ANO3: variants seen among roughly 807,000 people sequenced by gnomAD.
ANO3 encodes the protein anoctamin 3, also known as anoctamin-3.
Under a neutral mutation model 144.8 loss-of-function variants are expected in ANO3, and 99 were observed. The ratio of observed to expected loss-of-function variants is 0.68; its 90% confidence interval spans 0.58 to 0.81. ANO3 has a LOEUF of 0.81. Ranked by LOEUF, ANO3 falls within the 30% of genes least tolerant of loss-of-function variation. The pLI is 0.00. For synonymous variants in ANO3, 414 were observed against 392.6 expected (o/e 1.05, Z -0.64); for missense variants, 905 against 1,202.2 (o/e 0.75, Z 3.66).
At chr11:26,396,730 G>A (rs1857023674) in intron 1 of ANO3, among the ~76,000 whole-genome samples, 1 of 151,964 alleles carries the variant, frequency 6.6e-6, no homozygotes, top group African/African-American at 2.4e-5. Context: ...CTTATAAGTG[G>A]AAGTTGAACA....
At chr11:26,411,276 A>G (rs1268664085) in intron 1 of ANO3, among the ~76,000 whole-genome samples, 1 of 152,014 alleles carries the variant, frequency 6.6e-6, no homozygotes, top group Non-Finnish European at 1.5e-5. Flanking sequence ...GAGAAGATGG[A>G]TGTAAATGTA....
At chr11:26,319,144 C>CATTATTATTATTATTATTATT (rs376211456) in intron 1 of ANO3, among the ~76,000 whole-genome samples, 1,988 of 150,908 alleles carry the variant, frequency 0.013, 28 homozygotes, top group East Asian at 0.082. Context: ...TTCCAGATAA[C>CATTATTATTATTATTATTATT]ATTATTATTA....
intron 1 of ANO3, among the ~76,000 whole-genome samples, chr11:26,372,895 C>T (rs1395355232): frequency 6.6e-6 from 1 of 151,800 alleles, no homozygotes; most frequent in Non-Finnish European, 1.5e-5. Context: ...ATTTTTCAAA[C>T]ATGTTGTGTG....
At position 26,662,586 on chromosome 11, in the gene ANO3, A is replaced by G. The variant is rs1006790062; in HGVS notation, c.*2142A>G. The G allele has an allele frequency of 2.6e-5, 4 of 152,066 alleles. No individual in the cohort carries two copies. Among genetic ancestry groups the G allele is most frequent in the Non-Finnish European group, 5.9e-5 (4 of 67,982 alleles). The allele number at this position is 152,066 out of a possible 1,614,324, so 9.4% of individuals were successfully genotyped here. A position where few individuals can be genotyped will look rare whatever the true frequency, so the allele number is the denominator to read the frequency against. ...TTAAGAAGTATTTCCTTTCCTTTTT[A>G]TATAGTCCCGTTAGGGTTTAAAACC... is the stretch of plus-strand genomic sequence containing the variant. On this transcript the variant is annotated 3_prime_UTR_variant, in exon 27 of 27. Coordinates refer to ENST00000256737, the MANE Select transcript of ANO3 (RefSeq NM_031418.4).
At chr11:26,235,917 C>T (rs1181559572) in intron 1 of ANO3, among the ~76,000 whole-genome samples, 1 of 152,108 alleles carries the variant, frequency 6.6e-6, no homozygotes, top group Non-Finnish European at 1.5e-5. Flanking sequence ...TGATCTCACA[C>T]ATCTCTTGAA....
rs1406991332 is a variant in ANO3, at chr11:26,438,961, CGTT to C, written c.47-2954_47-2952del. ...TACTGCGAAGCTACAATGCTAAAGA[CGTT>C]GTGGTTTTGGCATAGGAATGGACAT... On this transcript the variant is annotated intron_variant, in intron 1 of 26. Transcript: ENST00000256737. Among the ~76,000 whole-genome samples, 19 of 152,196 alleles carry C rather than the reference CGTT, an allele frequency of 1.2e-4. No individual in the cohort carries two copies. In the East Asian group the frequency reaches 3.5e-3, roughly 28 times the overall value.
chr11:26,563,036 C>A, intron 14 of ANO3: 2 of 1,528,874 alleles, frequency 1.3e-6, no homozygotes, highest in Middle Eastern at 3.6e-4. Context: ...GAATTACCTT[C>A]TAGGCAATGC....
chr11:26,436,212 C>T (rs935960376), intron 1 of ANO3, among the ~76,000 whole-genome samples: 3 of 152,122 alleles, frequency 2.0e-5, no homozygotes, highest in South Asian at 2.1e-4. Flanking sequence ...CCACTGTTCC[C>T]GTGGATTCTC....
intron 17 of ANO3, among the ~76,000 whole-genome samples, chr11:26,604,080 T>A (rs948375400): frequency 3.3e-5 from 5 of 152,128 alleles, no homozygotes; most frequent in Non-Finnish European, 7.4e-5. Flanking sequence ...TTGTACCCAT[T>A]GATCAACCTC....
chr11:26,364,374 C>A (rs542537260), intron 1 of ANO3, among the ~76,000 whole-genome samples: 4 of 152,312 alleles, frequency 2.6e-5, no homozygotes, highest in East Asian at 1.9e-4. Context: ...TCTAAAATAT[C>A]ATTTCCATTA....
chr11:26,495,617 G>C (rs1190950520), intron 4 of ANO3, among the ~76,000 whole-genome samples: 1 of 152,122 alleles, frequency 6.6e-6, no homozygotes, highest in African/African-American at 2.4e-5. Flanking sequence ...ATAGTTGTTT[G>C]ATAATCCTTC....
Position 26,443,848 on chromosome 11 carries a change from A to T in ANO3, c.313+12A>T. ...CGATTTTTGTTTGGGTAAGTTGATA[A>T]TCAGTATTTACCTACTCCTTTCCCT... On this transcript the variant is annotated intron_variant, in intron 3 of 26. Transcript: ENST00000256737. The T allele has an allele frequency of 6.3e-7, 1 of 1,588,676 alleles. No homozygotes were observed. The highest frequency in any genetic ancestry group is 8.6e-7 in the Non-Finnish European group (1 of 1,158,436).
At chr11:26,501,187 G>A (rs1263324978) in intron 4 of ANO3, among the ~76,000 whole-genome samples, 1 of 152,164 alleles carries the variant, frequency 6.6e-6, no homozygotes, top group Non-Finnish European at 1.5e-5. Flanking sequence ...AAATTATGGA[G>A]GAGAGTTGGA....
chr11:26,248,987 C>T (rs998441550), intron 1 of ANO3, among the ~76,000 whole-genome samples: 1 of 152,162 alleles, frequency 6.6e-6, no homozygotes, highest in Non-Finnish European at 1.5e-5. Context: ...CCATCCCCTG[C>T]CTCTGTGGAA....
At chr11:26,543,577 T>C (rs1849700141) in intron 11 of ANO3, among the ~76,000 whole-genome samples, 1 of 152,084 alleles carries the variant, frequency 6.6e-6, no homozygotes, top group Admixed American at 6.6e-5. Context: ...TTATTTACAT[T>C]AGGTATATCT....
Position 26,412,795 on chromosome 11 carries a change from A to AGTGTGTGTGTGTGTGTGTGT in ANO3, c.47-29108_47-29089dup, listed in dbSNP as rs60855252. Among the ~76,000 whole-genome samples, 236 of 140,196 alleles carry AGTGTGTGTGTGTGTGTGTGT rather than the reference A, an allele frequency of 1.7e-3. 1 individual carries two copies. Among genetic ancestry groups the AGTGTGTGTGTGTGTGTGTGT allele is most frequent in the South Asian group, 0.01 (42 of 4,160 alleles). 92.0% of individuals were successfully genotyped at this position (140,196 alleles called of 152,430 possible). The stretch of plus-strand genomic sequence containing the variant: ...CCACTTTTAAGGGCAGAGAAAGGAA[A>AGTGTGTGTGTGTGTGTGTGT]GTGTGTGTGTGTGTGTGTGTGTGTG... On this transcript the variant is annotated intron_variant, in intron 1 of 26. Transcript: ENST00000256737.
rs147619081 is a variant in ANO3 at position 26,484,116 on chromosome 11, G to A, written c.432+20968G>A. Among the ~76,000 whole-genome samples, 699 of 152,238 alleles carry A rather than the reference G, an allele frequency of 4.6e-3. 3 individuals are homozygous for A. The highest frequency in any genetic ancestry group is 0.016 in the African/African-American group (663 of 41,550). Reference sequence around the variant, plus strand: ...GATGTTTCCTGGCTGCTTCTAGTAGGCTATCCTTATGAGCAAAGAGATCAC... The same window carrying A: ...GATGTTTCCTGGCTGCTTCTAGTAGACTATCCTTATGAGCAAAGAGATCAC... On this transcript the variant is annotated intron_variant, in intron 4 of 26. Transcript: ENST00000256737.
intron 1 of ANO3, among the ~76,000 whole-genome samples, chr11:26,309,877 C>A (rs1439399270): frequency 6.6e-6 from 1 of 152,148 alleles, no homozygotes. Flanking sequence ...TCATCATGCA[C>A]TTTGCAAAGC....
At chr11:26,309,090 G>A (rs1219294317), upstream of ANO3, among the ~76,000 whole-genome samples, 2 of 152,086 alleles carry the variant, frequency 1.3e-5, no homozygotes, top group Non-Finnish European at 2.9e-5. Flanking sequence ...AGGAATGATT[G>A]TTCCTAAGTG....
Sources: allele counts gnomAD v4.1 joint callset (sites outside exome capture counted in the v4.1 genomes callset), GRCh38; gene constraint gnomAD v4.1.1; transcripts MANE v1.5; gene names NCBI Gene and HGNC (gene_info 2026-07-23, HGNC 2026-07-21).